The following AOAH variants were observed in gnomAD, a reference collection of about 807,000 sequenced individuals.
The protein encoded by AOAH is acyloxyacyl hydrolase (neutrophil).
Under a neutral mutation model 92.2 loss-of-function variants are expected in AOAH, and 64 were observed. That is an observed-to-expected ratio of 0.69 (90% CI 0.57 to 0.86). The LOEUF (loss-of-function observed/expected upper bound fraction) is 0.86, where lower values mean the gene tolerates loss of function less well. AOAH is among the 40% of genes least tolerant of loss of function. The pLI, the probability that AOAH is intolerant of heterozygous loss-of-function variation, is 0.00. For synonymous variants in AOAH, 263 were observed against 254.5 expected (o/e 1.03, Z -0.32); for missense variants, 656 against 694.6 (o/e 0.94, Z 0.62).
chr7:36,573,350 A>C (rs922605042), intron 13 of AOAH, among the ~76,000 whole-genome samples: 4 of 151,988 alleles, frequency 2.6e-5, no homozygotes, highest in Admixed American at 6.6e-5. Context: ...ATTTGGCAGC[A>C]CTCTTGCCAT....
At chr7:36,717,472 C>G (rs1427013620) in intron 1 of AOAH, among the ~76,000 whole-genome samples, 1 of 151,736 alleles carries the variant, frequency 6.6e-6, no homozygotes, top group Admixed American at 6.6e-5. Context: ...CACACTTCTG[C>G]GGGCTGAACT....
At position 36,589,170 on chromosome 7, in the gene AOAH, G is replaced by A. The variant is rs146718743; in HGVS notation, c.938+5169C>T. Among the ~76,000 whole-genome samples the A allele has an allele frequency of 2.9e-3, 434 of 152,160 alleles. 1 individual carries two copies. Among genetic ancestry groups the A allele is most frequent in the African/African-American group, 9.8e-3 (406 of 41,500 alleles). On this transcript the variant is annotated intron_variant, in intron 12 of 20. Coordinates refer to ENST00000617537, the MANE Select transcript of AOAH (RefSeq NM_001637.4). ...ACCTTCAGAATAAGGGGATACGAAC[G>A]GCCAGAAATGCTCAGTTTAGATGTG...
intron 20 of AOAH, among the ~76,000 whole-genome samples, chr7:36,518,242 C>T (rs1168513205): frequency 2.0e-5 from 3 of 152,060 alleles, no homozygotes; most frequent in Non-Finnish European, 4.4e-5. Context: ...TGAAGTCTCG[C>T]TCTGTTGCCC....
In AOAH at chr7:36,595,348, A is replaced by G. The variant is rs148418154; in HGVS notation, c.847-918T>C. On this transcript the variant is annotated intron_variant, in intron 11 of 20. Coordinates refer to ENST00000617537, the MANE Select transcript of AOAH (RefSeq NM_001637.4). ...TAGGAGTTTGAGACCAGCCTGGGCA[A>G]CATAGTTAAAATTGGTTTCTACAAA... Among the ~76,000 whole-genome samples the G allele has an allele frequency of 1.2e-3, 183 of 152,330 alleles. 1 individual carries two copies. The highest frequency in any genetic ancestry group is 4.3e-3 in the African/African-American group (177 of 41,572).
At chr7:36,590,285 A>G (rs1789653003) in intron 12 of AOAH, among the ~76,000 whole-genome samples, 1 of 152,022 alleles carries the variant, frequency 6.6e-6, no homozygotes, top group Non-Finnish European at 1.5e-5. Context: ...CTCTATTGCC[A>G]AGCTCTTAAC....
chr7:36,537,127 T>C (rs1333414074), intron 16 of AOAH, among the ~76,000 whole-genome samples: 1 of 152,104 alleles, frequency 6.6e-6, no homozygotes, highest in African/African-American at 2.4e-5. Context: ...TTGAGAAATG[T>C]ATAATTTATT....
chr7:36,699,150 C>G (rs1173758653), intron 1 of AOAH, among the ~76,000 whole-genome samples: 2 of 151,864 alleles, frequency 1.3e-5, no homozygotes, highest in African/African-American at 4.8e-5. Context: ...TTCTTTATTG[C>G]GGTGGAATAA....
Position 36,621,712 on chromosome 7 carries a change from T to C in AOAH, c.651A>G (p.Arg217=). 2 of 1,614,068 alleles carry C rather than the reference T, an allele frequency of 1.2e-6. No homozygotes were observed. ...CAGCAACCAGCAGAAATAGTTACCT[T>C]CTACCTGGGTACACTGACTCGTCGC... The part of the protein sequence containing the change: ...NDSDESVYPG[R]RPNNWDVHQD... Residue 217 remains arginine, a splice_region_variant and synonymous_variant, in exon 8 of 21, where the codon AGA becomes AGG. Transcript: ENST00000617537.
At chr7:36,523,338 A>C (rs904294946) in intron 19 of AOAH, among the ~76,000 whole-genome samples, 2 of 152,202 alleles carry the variant, frequency 1.3e-5, no homozygotes, top group Non-Finnish European at 2.9e-5. Context: ...GACACTGTTC[A>C]CTGTGTTATA....
intron 1 of AOAH, among the ~76,000 whole-genome samples, chr7:36,712,502 C>A (rs1798834795): frequency 6.6e-6 from 1 of 152,030 alleles, no homozygotes; most frequent in Non-Finnish European, 1.5e-5. Flanking sequence ...AAATGTTTTG[C>A]AAAAATTAAC....
intron 13 of AOAH, among the ~76,000 whole-genome samples, chr7:36,558,549 TTTTG>T (rs1786993720): frequency 6.6e-6 from 1 of 152,228 alleles, no homozygotes; most frequent in South Asian, 2.1e-4. Context: ...ACTGCTGTCT[TTTTG>T]TTTGTCTGTG....
Position 36,516,102 on chromosome 7 carries a change from C to T in AOAH, c.1600-2722G>A, listed in dbSNP as rs543218197. ...CCACATACACACCATACACACACCACACAGATACATCACACACACACCACA... is the reference window on the plus strand; with the variant it reads ...CCACATACACACCATACACACACCATACAGATACATCACACACACACCACA... On this transcript the variant is annotated intron_variant, in intron 20 of 20. Coordinates refer to ENST00000617537, the MANE Select transcript of AOAH (RefSeq NM_001637.4). This position sits in a 1 kb window ranked among gnomAD's most constrained non-coding sequence, Gnocchi z 5.0. 2.4e-4 allele frequency among the ~76,000 whole-genome samples: 36 copies of T among 149,406 alleles called. 1 individual carries two copies. The South Asian group carries it at 7.7e-3, about 32-fold the overall frequency.
intron 6 of AOAH, among the ~76,000 whole-genome samples, chr7:36,625,599 G>C (rs1479817937): frequency 6.6e-6 from 1 of 152,194 alleles, no homozygotes; most frequent in East Asian, 1.9e-4. Context: ...CCACCAGCAG[G>C]AAATTAGAAA....
intron 1 of AOAH, among the ~76,000 whole-genome samples, chr7:36,717,878 A>C (rs1799338297): frequency 6.6e-6 from 1 of 152,030 alleles, no homozygotes; most frequent in Non-Finnish European, 1.5e-5. Flanking sequence ...GAAAACTAAT[A>C]ACTACAACAA....
chr7:36,698,798 T>A (rs942822177), intron 1 of AOAH, among the ~76,000 whole-genome samples: 4 of 152,190 alleles, frequency 2.6e-5, no homozygotes, highest in Non-Finnish European at 5.9e-5. Flanking sequence ...TTGTCATTTA[T>A]TTGTGCTAGA....
At chr7:36,555,453 G>A (rs1786632217) in intron 13 of AOAH, among the ~76,000 whole-genome samples, 1 of 151,972 alleles carries the variant, frequency 6.6e-6, no homozygotes, top group Non-Finnish European at 1.5e-5. Flanking sequence ...TCTCTTTTTT[G>A]GTTGTGTTTC....
At chr7:36,617,538 A>G (rs1323483401) in intron 10 of AOAH, among the ~76,000 whole-genome samples, 1 of 152,262 alleles carries the variant, frequency 6.6e-6, no homozygotes, top group African/African-American at 2.4e-5. Flanking sequence ...AGAGCCAAGT[A>G]TAACCGTTGG....
chr7:36,573,846 C>T (rs1259679608), intron 13 of AOAH, among the ~76,000 whole-genome samples: 1 of 152,198 alleles, frequency 6.6e-6, no homozygotes, highest in Admixed American at 6.5e-5. Context: ...TCTTACTACC[C>T]AATTTTTAAG....
intron 16 of AOAH, among the ~76,000 whole-genome samples, chr7:36,533,075 T>C (rs2116033577): frequency 6.6e-6 from 1 of 152,262 alleles, no homozygotes; most frequent in Non-Finnish European, 1.5e-5. Context: ...CAGATGAGCG[T>C]TCATCCAGTT....
Sources: gnomAD v4.1 joint callset for allele counts (sites outside exome capture counted in the v4.1 genomes callset) on GRCh38, gnomAD v4.1.1 for gene constraint, Gnocchi (gnomAD v3.1) non-coding constraint, MANE v1.5 for transcripts, NCBI Gene and HGNC (gene_info 2026-07-23, HGNC 2026-07-21) for gene names.